Variants in ZFYVE28 observed in about 807,000 individuals in gnomAD.
ZFYVE28 encodes the protein zinc finger FYVE-type containing 28, also known as lateral signaling target protein 2 homolog.
A neutral mutation model predicts 82.1 loss-of-function variants in ZFYVE28; 40 were observed. The ratio of observed to expected loss-of-function variants is 0.49; its 90% confidence interval spans 0.38 to 0.63. ZFYVE28 has a LOEUF of 0.63. ZFYVE28 is among the 30% of genes least tolerant of loss of function. The pLI, the probability that ZFYVE28 is intolerant of heterozygous loss-of-function variation, is 0.00. For missense variants in ZFYVE28, 1,321 were observed against 1,242.1 expected (o/e 1.06, Z -0.96); for synonymous variants, 612 against 546.1 (o/e 1.12, Z -1.68).
At chr4:2,328,474 C>G (rs1720209626) in intron 6 of ZFYVE28, 2 of 152,048 alleles carry the variant, frequency 1.3e-5, no homozygotes, top group African/African-American at 4.8e-5. Flanking sequence ...CTTTGCACAT[C>G]ATGGTGAATA....
At chr4:2,415,023 C>T (rs1396905465) in intron 1 of ZFYVE28, among the ~76,000 whole-genome samples, 2 of 152,166 alleles carry the variant, frequency 1.3e-5, no homozygotes, top group Non-Finnish European at 2.9e-5. Context: ...CAGGATAATA[C>T]TTACAAGATC....
At chr4:2,382,612 A>G (rs1173960437) in intron 1 of ZFYVE28, among the ~76,000 whole-genome samples, 4 of 152,092 alleles carry the variant, frequency 2.6e-5, no homozygotes, top group African/African-American at 7.2e-5. Context: ...CTGTACCCCC[A>G]TTGTATCTAG....
chr4:2,362,945 C>G lies in ZFYVE28; in HGVS notation c.40-8872G>C, dbSNP rs1726362164. Among the ~76,000 whole-genome samples the G allele has an allele frequency of 6.6e-6, 1 of 152,156 alleles. No individual in the cohort carries two copies. The highest frequency in any genetic ancestry group is 1.9e-4 in the East Asian group (1 of 5,146). On this transcript the variant is annotated intron_variant, in intron 1 of 12. Coordinates refer to ENST00000290974, the MANE Select transcript of ZFYVE28 (RefSeq NM_020972.3). This position sits in a 1 kb window ranked among gnomAD's most constrained non-coding sequence, Gnocchi z 5.1. ...CTCTCAGGACTCGGTACTGGCCCTC[C>G]CTGTGGCCTTCGGGCCCACACGTGG...
intron 1 of ZFYVE28, among the ~76,000 whole-genome samples, chr4:2,411,249 C>A (rs549245710): frequency 3.3e-5 from 5 of 152,222 alleles, no homozygotes; most frequent in African/African-American, 7.2e-5. Context: ...GTCCCCTACA[C>A]CCCCTGCCTC....
chr4:2,391,338 G>A (rs73791712), intron 1 of ZFYVE28, among the ~76,000 whole-genome samples: 6,870 of 151,750 alleles, frequency 0.045, 492 homozygotes, highest in African/African-American at 0.15. Flanking sequence ...GAAGAGCCTC[G>A]TTCCCTCCCT....
Position 2,320,432 on chromosome 4 carries a change from T to C in ZFYVE28, c.702-161A>G, listed in dbSNP as rs539444717. On this transcript the variant is annotated intron_variant, in intron 6 of 12. Transcript: ENST00000290974. The surrounding 1 kb of genome is among the most constrained non-coding windows in gnomAD (Gnocchi z 5.1). ...TCATGCTTTGCCTTGTGTGATTGCA[T>C]TGTAAATAAGTTTAGAAAAAAGCAG... Among the ~76,000 whole-genome samples, 5 of 152,294 alleles carry C rather than the reference T, an allele frequency of 3.3e-5. No individual in the cohort carries two copies. In the East Asian group the frequency reaches 5.8e-4, roughly 18 times the overall value.
At chr4:2,357,910 C>T (rs1050671226) in intron 1 of ZFYVE28, among the ~76,000 whole-genome samples, 1 of 152,202 alleles carries the variant, frequency 6.6e-6, no homozygotes, top group African/African-American at 2.4e-5. Flanking sequence ...CCCAGCAACG[C>T]CAGGTCAACA....
At chr4:2,355,282 CT>C (rs71167786) in intron 1 of ZFYVE28, among the ~76,000 whole-genome samples, 4,062 of 35,872 alleles carry the variant, frequency 0.11, 691 homozygotes, top group Non-Finnish European at 0.16. Flanking sequence ...AATGATTCTT[CT>C]TTTTTTTTTT....
At position 2,347,671 on chromosome 4, in the gene ZFYVE28, C is replaced by T. The variant is rs558282192; in HGVS notation, c.181-6056G>A. ...TAAATAACACACTTTTAAATACTCA[C>T]GAATCAAACATGAAATCAAAGAGGA... is the stretch of plus-strand genomic sequence containing the variant. On this transcript the variant is annotated intron_variant, in intron 2 of 12. Coordinates refer to ENST00000290974, the MANE Select transcript of ZFYVE28 (RefSeq NM_020972.3). Among the ~76,000 whole-genome samples, 13 of 151,850 alleles carry T rather than the reference C, an allele frequency of 8.6e-5. No individual in the cohort carries two copies. In the East Asian group the frequency reaches 1.2e-3, roughly 14 times the overall value.
At chr4:2,393,165 G>A (rs1486599545) in intron 1 of ZFYVE28, among the ~76,000 whole-genome samples, 1 of 152,150 alleles carries the variant, frequency 6.6e-6, no homozygotes, top group Non-Finnish European at 1.5e-5. Flanking sequence ...ACAGCTCCTC[G>A]GCCCGTGGAA....
chr4:2,390,234 C>G (rs1729688119), intron 1 of ZFYVE28, among the ~76,000 whole-genome samples: 1 of 152,210 alleles, frequency 6.6e-6, no homozygotes, highest in South Asian at 2.1e-4. Context: ...CCAGAGGCTG[C>G]AGGGGCACAG....
At chr4:2,382,501 A>G (rs1184041499) in intron 1 of ZFYVE28, among the ~76,000 whole-genome samples, 1 of 152,174 alleles carries the variant, frequency 6.6e-6, no homozygotes, top group African/African-American at 2.4e-5. Flanking sequence ...TTGGAGCTTT[A>G]AGATTTGACT....
In ZFYVE28 at chr4:2,407,547, C is replaced by T. The variant is rs573566477; in HGVS notation, c.39+10738G>A. Among the ~76,000 whole-genome samples the T allele has an allele frequency of 1.1e-4, 17 of 151,828 alleles. No homozygotes were observed. In the South Asian group the frequency reaches 3.5e-3, roughly 31 times the overall value. ...CCGTGAGCAGAAAACAGCCTCCTCT[C>T]TCCCCCTGTTTTCGCTCCTGAAGTC... On this transcript the variant is annotated intron_variant, in intron 1 of 12. Coordinates refer to ENST00000290974, the MANE Select transcript of ZFYVE28 (RefSeq NM_020972.3).
intron 7 of ZFYVE28, among the ~76,000 whole-genome samples, chr4:2,310,795 G>C (rs1717366849): frequency 6.6e-6 from 1 of 152,120 alleles, no homozygotes; most frequent in Admixed American, 6.5e-5. Flanking sequence ...CAAAGTGAGA[G>C]TTTGTTCAAT....
intron 1 of ZFYVE28, among the ~76,000 whole-genome samples, chr4:2,360,392 C>CACAA (rs1258064834): frequency 8.1e-6 from 1 of 124,148 alleles, no homozygotes; most frequent in Non-Finnish European, 1.6e-5. Context: ...GCTGTAATCA[C>CACAA]ACACACACAC....
chr4:2,313,420 C>T (rs1287120114), intron 7 of ZFYVE28, among the ~76,000 whole-genome samples: 1 of 151,962 alleles, frequency 6.6e-6, no homozygotes. Context: ...GCCACCACAC[C>T]CATTTTTTTA....
At chr4:2,311,060 G>T (rs1717404416) in intron 7 of ZFYVE28, among the ~76,000 whole-genome samples, 1 of 152,090 alleles carries the variant, frequency 6.6e-6, no homozygotes, top group African/African-American at 2.4e-5. Flanking sequence ...AATGCAAATT[G>T]TCAAATTTAG....
intron 8 of ZFYVE28, among the ~76,000 whole-genome samples, chr4:2,275,509 G>A (rs901824364): frequency 2.6e-5 from 4 of 152,160 alleles, no homozygotes; most frequent in African/African-American, 9.7e-5. Flanking sequence ...TCTCTACCTA[G>A]AAATATTCGT....
intron 5 of ZFYVE28, 68 bp downstream of exon 5, chr4:2,337,339 C>A: frequency 7.0e-7 from 1 of 1,432,518 alleles, no homozygotes; most frequent in Non-Finnish European, 9.5e-7. Context: ...TGCCCTCTGC[C>A]CCGGGCCTGG....
Sources: allele counts gnomAD v4.1 joint callset (sites outside exome capture counted in the v4.1 genomes callset), GRCh38; gene constraint gnomAD v4.1.1; non-coding constraint Gnocchi (gnomAD v3.1); transcripts MANE v1.5; gene names NCBI Gene and HGNC (gene_info 2026-07-23, HGNC 2026-07-21).